The following MDGA2 variants were observed in gnomAD, a reference collection of about 807,000 sequenced individuals.
The protein encoded by MDGA2 is MAM domain-containing glycosylphosphatidylinositol anchor protein 2.
MDGA2 carries 40 observed loss-of-function variants against 117.8 expected under a neutral mutation model. The observed-to-expected ratio is 0.34, with a 90% CI of 0.26 to 0.44. The LOEUF (loss-of-function observed/expected upper bound fraction) is 0.44. Ranked by LOEUF, MDGA2 falls within the 20% of genes least tolerant of loss-of-function variation. The probability of loss-of-function intolerance (pLI) is 1.00; values close to 1 mark genes in which losing one functional copy is unlikely to be tolerated. For synonymous variants in MDGA2, 452 were observed against 439.0 expected (o/e 1.03, Z -0.37); for missense variants, 1,123 against 1,250.6 (o/e 0.90, Z 1.54).
rs1888550111 is a variant in MDGA2, at chr14:47,282,930, A to G, written c.420+18481T>C. ...GCCACCGCACTCCAGCCTGAGCGACAGAGAAAAGATCCTGTCTTTAATAAA... is the reference window on the plus strand; with the variant it reads ...GCCACCGCACTCCAGCCTGAGCGACGGAGAAAAGATCCTGTCTTTAATAAA... On this transcript the variant is annotated intron_variant, in intron 2 of 16. Transcript: ENST00000399232. Among the ~76,000 whole-genome samples the G allele has an allele frequency of 4.6e-5, 7 of 152,286 alleles. No individual in the cohort carries two copies. The South Asian group carries it at 1.5e-3, about 32-fold the overall frequency.
At chr14:46,987,159 T>G (rs1566560911) in intron 8 of MDGA2, among the ~76,000 whole-genome samples, 1 of 152,088 alleles carries the variant, frequency 6.6e-6, no homozygotes, top group Non-Finnish European at 1.5e-5. Flanking sequence ...GACAGAAAAC[T>G]TATTTTCAAA....
At chr14:47,253,980 C>G (rs1188612509) in intron 2 of MDGA2, among the ~76,000 whole-genome samples, 1 of 152,236 alleles carries the variant, frequency 6.6e-6, no homozygotes, top group Non-Finnish European at 1.5e-5. Context: ...CCTTCTGAAG[C>G]AATGGCCCGA....
rs577385720 is a variant in MDGA2 at position 47,425,885 on chromosome 14, T to C, written c.281-124335A>G. On this transcript the variant is annotated intron_variant, in intron 1 of 16. Transcript: ENST00000399232. ...AGCTACGAAATTAACTATTGTACAATACTAAATTCACAAATGTATAGTCTT... is the reference window on the plus strand; with the variant it reads ...AGCTACGAAATTAACTATTGTACAACACTAAATTCACAAATGTATAGTCTT... 3.3e-5 allele frequency among the ~76,000 whole-genome samples: 5 copies of C among 150,802 alleles called. No homozygotes were observed. The East Asian group carries it at 9.8e-4, about 30-fold the overall frequency.
At chr14:47,284,484 T>G (rs1888603924) in intron 2 of MDGA2, among the ~76,000 whole-genome samples, 1 of 152,092 alleles carries the variant, frequency 6.6e-6, no homozygotes, top group African/African-American at 2.4e-5. Context: ...GGTTTCCTAC[T>G]CCATAGTAGG....
In MDGA2 at chr14:47,243,242, G is replaced by C. The variant is rs150108196; in HGVS notation, c.421-25047C>G. ...GTCTAAACTCTATCTAACTAATCTG[G>C]TGGGGATGTGGAGAACCTTTGTATC... On this transcript the variant is annotated intron_variant, in intron 2 of 16. Transcript: ENST00000399232. Among the ~76,000 whole-genome samples, 745 of 151,526 alleles carry C rather than the reference G, an allele frequency of 4.9e-3. 17 individuals are homozygous for C. The highest frequency in any genetic ancestry group is 0.017 in the African/African-American group (707 of 41,368).
chr14:47,256,977 G>C (rs959663812), intron 2 of MDGA2, among the ~76,000 whole-genome samples: 5 of 151,732 alleles, frequency 3.3e-5, no homozygotes, highest in East Asian at 1.9e-4. Context: ...GAGAAAAGAG[G>C]GGGGACAAGA....
chr14:47,484,803 A>G (rs924023607), intron 1 of MDGA2, among the ~76,000 whole-genome samples: 2 of 152,150 alleles, frequency 1.3e-5, no homozygotes, highest in Non-Finnish European at 1.5e-5. Flanking sequence ...GTTTCTCTGC[A>G]TAAGTTCTCT....
intron 5 of MDGA2, among the ~76,000 whole-genome samples, chr14:47,129,346 G>GT (rs1377041514): frequency 2.0e-5 from 3 of 151,732 alleles, no homozygotes; most frequent in Admixed American, 1.3e-4. Context: ...GCGGTGTTTG[G>GT]TTTTTTGTTC....
In MDGA2 at chr14:47,536,955, T is replaced by G. The variant is rs114704390; in HGVS notation, c.280+137562A>C. On this transcript the variant is annotated intron_variant, in intron 1 of 16. Coordinates refer to ENST00000399232, the MANE Select transcript of MDGA2 (RefSeq NM_001113498.3). ...AAAGTTAGCCACATAACAAAAGAAG[T>G]AGACATCTTTCTGTCTGTTCAAAAG... Among the ~76,000 whole-genome samples the G allele has an allele frequency of 2.4e-3, 364 of 152,242 alleles. 1 individual carries two copies. The highest frequency in any genetic ancestry group is 8.3e-3 in the African/African-American group (343 of 41,552).
intron 2 of MDGA2, among the ~76,000 whole-genome samples, chr14:47,278,192 GAA>G (rs1555369258): frequency 6.6e-6 from 1 of 151,986 alleles, no homozygotes; most frequent in Non-Finnish European, 1.5e-5. Flanking sequence ...AAAAAAATCA[GAA>G]AAGTTACTGC....
At chr14:47,579,001 T>A (rs1896178248) in intron 1 of MDGA2, among the ~76,000 whole-genome samples, 1 of 152,148 alleles carries the variant, frequency 6.6e-6, no homozygotes, top group Admixed American at 6.6e-5. Context: ...AAAATAATCA[T>A]CACCATTTGC....
chr14:47,151,065 G>T (rs998924812), intron 3 of MDGA2, among the ~76,000 whole-genome samples: 12 of 152,130 alleles, frequency 7.9e-5, no homozygotes, highest in Non-Finnish European at 1.6e-4. Context: ...CACCTAGAAT[G>T]GGTTCTTTGG....
intron 11 of MDGA2, among the ~76,000 whole-genome samples, 195 bp from the exon 12 acceptor site, chr14:46,877,704 C>G (rs1882288168): frequency 1.3e-5 from 2 of 151,724 alleles, no homozygotes; most frequent in Non-Finnish European, 3.0e-5. Flanking sequence ...TGCTTTGGAG[C>G]TCAGCAATAA....
intron 3 of MDGA2, among the ~76,000 whole-genome samples, chr14:47,199,220 A>C (rs1442258193): frequency 6.6e-6 from 1 of 151,638 alleles, no homozygotes; most frequent in African/African-American, 2.4e-5. Context: ...TATATATGTC[A>C]TATATATAAT....
rs371728788 is a variant in MDGA2 at position 47,514,018 on chromosome 14, A to G, written c.280+160499T>C. ...AAAACATTATGTAGAATGTAGTGAC[A>G]CCGGAGTGGGGAGTTGAAACTCAGA... On this transcript the variant is annotated intron_variant, in intron 1 of 16. Transcript: ENST00000399232. 5.8e-4 allele frequency among the ~76,000 whole-genome samples: 88 copies of G among 152,262 alleles called. No individual in the cohort carries two copies. In the South Asian group the frequency reaches 0.018, roughly 31 times the overall value.
intron 8 of MDGA2, among the ~76,000 whole-genome samples, chr14:46,965,509 A>T (rs975296596): frequency 6.6e-6 from 1 of 152,162 alleles, no homozygotes; most frequent in Non-Finnish European, 1.5e-5. Context: ...TATTTAAAAG[A>T]CTGCCCACAC....
At chr14:47,664,641 C>T (rs1897909362) in intron 1 of MDGA2, among the ~76,000 whole-genome samples, 1 of 152,210 alleles carries the variant, frequency 6.6e-6, no homozygotes, top group South Asian at 2.1e-4. Flanking sequence ...CTACATCATG[C>T]TGTCTTGCAC....
At chr14:47,628,671 A>G (rs1897196587) in intron 1 of MDGA2, among the ~76,000 whole-genome samples, 1 of 152,198 alleles carries the variant, frequency 6.6e-6, no homozygotes, top group Non-Finnish European at 1.5e-5. Context: ...ATACTGAAGG[A>G]CCTTGTATTT....
intron 1 of MDGA2, among the ~76,000 whole-genome samples, chr14:47,665,768 G>C (rs554849757): frequency 6.6e-6 from 1 of 150,706 alleles, no homozygotes; most frequent in East Asian, 2.0e-4. Flanking sequence ...GCCTCCCTGC[G>C]GGGCAGGGCT....
Sources: allele counts gnomAD v4.1 joint callset (sites outside exome capture counted in the v4.1 genomes callset), GRCh38; gene constraint gnomAD v4.1.1; transcripts MANE v1.5; gene names NCBI Gene and HGNC (gene_info 2026-07-23, HGNC 2026-07-21).